PDE3A: variants seen among roughly 807,000 people sequenced by gnomAD.
PDE3A encodes the protein cGMP-inhibited 3',5'-cyclic phosphodiesterase 3A.
Under a neutral mutation model 98.3 loss-of-function variants are expected in PDE3A, and 43 were observed. That is an observed-to-expected ratio of 0.44 (90% CI 0.34 to 0.56). The LOEUF (loss-of-function observed/expected upper bound fraction) is 0.56, where lower values mean the gene tolerates loss of function less well. Ranked by LOEUF, PDE3A falls within the 20% of genes least tolerant of loss-of-function variation. The pLI is 0.01. For missense variants in PDE3A, 1,427 were observed against 1,440.7 expected, an observed-to-expected ratio of 0.99 and a Z score of 0.15; for synonymous variants, 663 against 567.9, an observed-to-expected ratio of 1.17 and a Z score of -2.38.
At chr12:20,610,560 T>C (rs2121442270) in intron 2 of PDE3A, among the ~76,000 whole-genome samples, 1 of 152,094 alleles carries the variant, frequency 6.6e-6, no homozygotes, top group South Asian at 2.1e-4. Flanking sequence ...TAAAGATATC[T>C]GCACTCTCAT....
chr12:20,635,249 A>G (rs528506307), intron 8 of PDE3A, among the ~76,000 whole-genome samples, 193 bp downstream of exon 8: 1 of 152,072 alleles, frequency 6.6e-6, no homozygotes, highest in African/African-American at 2.4e-5. Flanking sequence ...TGAAACCCCT[A>G]TCTGTAATAA....
At chr12:20,371,011 A>C (rs1181640598) in intron 1 of PDE3A, among the ~76,000 whole-genome samples, 1 of 152,250 alleles carries the variant, frequency 6.6e-6, no homozygotes, top group Non-Finnish European at 1.5e-5. Flanking sequence ...GTGCATACTT[A>C]AGTGGATATT....
rs67508401 is a variant in PDE3A, at chr12:20,461,236, G to GAAAAAA, written c.960+91007_960+91012dup. On this transcript the variant is annotated intron_variant, in intron 1 of 15. Transcript: ENST00000359062. Reference sequence around the variant, plus strand: ...GGCCTCAGGCTAGGAGTGTTTGTCAGAAAAAAAAAAAAAAAAAAAAGAGGA... The same window carrying GAAAAAA: ...GGCCTCAGGCTAGGAGTGTTTGTCAGAAAAAAAAAAAAAAAAAAAAAAAAAAGAGGA... Among the ~76,000 whole-genome samples, 39 of 98,408 alleles carry GAAAAAA rather than the reference G, an allele frequency of 4.0e-4. 1 individual carries two copies. Among genetic ancestry groups the GAAAAAA allele is most frequent in the Middle Eastern group, 5.7e-3 (1 of 174 alleles). 64.6% of individuals were successfully genotyped at this position (98,408 alleles called of 152,430 possible).
intron 1 of PDE3A, among the ~76,000 whole-genome samples, chr12:20,543,573 A>G (rs1271914583): frequency 1.3e-5 from 2 of 152,014 alleles, no homozygotes; most frequent in Non-Finnish European, 2.9e-5. Context: ...AGTAGACTTC[A>G]TGGTCATGCA....
chr12:20,621,390 G>C lies in PDE3A; in HGVS notation c.1519G>C (p.Ala507Pro), dbSNP rs778424892. ...TATTTCTGCAGCTAACCATGTAAAG[G>C]CTAAAAAGCAAAGTCGACCAGGTAA... is the stretch of plus-strand genomic sequence containing the variant. ...YAISAANHVK[A>P]KKQSRPGALA... Residue 507 changes from alanine to proline, a missense_variant, in exon 5 of 16, where the codon GCT (alanine) becomes CCT (proline). By Grantham distance (27) the Ala-to-Pro change is conservative (BLOSUM62 -1). Around this residue, in one of 3 missense-constraint regions of PDE3A, gnomAD observed 1,012 missense variants for 886.5 expected, o/e 1.14. Transcript: ENST00000359062. 1.9e-6 allele frequency: 3 copies of C among 1,607,820 alleles called. No homozygotes were observed. Among genetic ancestry groups the C allele is most frequent in the Non-Finnish European group, 2.6e-6 (3 of 1,174,564 alleles).
chr12:20,508,010 C>T (rs917015170), intron 1 of PDE3A, among the ~76,000 whole-genome samples: 2 of 152,110 alleles, frequency 1.3e-5, no homozygotes, highest in African/African-American at 4.8e-5. Context: ...CTTACAGTTG[C>T]CTACATGGCC....
At chr12:20,634,497 C>T (rs971356397) in intron 7 of PDE3A, among the ~76,000 whole-genome samples, 11 of 152,176 alleles carry the variant, frequency 7.2e-5, no homozygotes, top group Admixed American at 6.5e-5. Context: ...CTCTGTGCTA[C>T]ACAGAGAACT....
intron 14 of PDE3A, among the ~76,000 whole-genome samples, chr12:20,651,173 A>G (rs1944906758): frequency 6.6e-6 from 1 of 152,212 alleles, no homozygotes; most frequent in Non-Finnish European, 1.5e-5. Context: ...TTCATTTGAC[A>G]TGATAACTAA....
At chr12:20,513,729 A>C (rs1381939018) in intron 1 of PDE3A, among the ~76,000 whole-genome samples, 1 of 152,170 alleles carries the variant, frequency 6.6e-6, no homozygotes, top group Non-Finnish European at 1.5e-5. Flanking sequence ...GGACCACACA[A>C]GCAGTTTTGA....
intron 1 of PDE3A, among the ~76,000 whole-genome samples, chr12:20,496,335 G>A (rs1461705995): frequency 6.6e-6 from 1 of 152,160 alleles, no homozygotes; most frequent in African/African-American, 2.4e-5. Context: ...AAGTGGACAA[G>A]CCCCCTTACA....
intron 1 of PDE3A, among the ~76,000 whole-genome samples, chr12:20,393,903 C>T (rs1266592462): frequency 2.6e-5 from 4 of 151,930 alleles, no homozygotes; most frequent in Non-Finnish European, 5.9e-5. Context: ...AGGGCACCTC[C>T]CAACCTCCTG....
intron 1 of PDE3A, among the ~76,000 whole-genome samples, chr12:20,549,559 A>G (rs747163763): frequency 3.9e-5 from 6 of 152,134 alleles, no homozygotes; most frequent in Non-Finnish European, 8.8e-5. Flanking sequence ...TATTGACTGT[A>G]GAACATTACA....
chr12:20,669,574 C>G (rs959240138), intron 15 of PDE3A, among the ~76,000 whole-genome samples: 21 of 151,934 alleles, frequency 1.4e-4, no homozygotes, highest in Admixed American at 1.3e-4. Flanking sequence ...AATTTCCAAC[C>G]CAGAATTTCA....
chr12:20,529,843 G>A (rs1391932967), intron 1 of PDE3A, among the ~76,000 whole-genome samples: 1 of 152,176 alleles, frequency 6.6e-6, no homozygotes. Flanking sequence ...GATATTAGTA[G>A]TCATGGTCTC....
At chr12:20,592,861 A>G (rs1437444376) in intron 2 of PDE3A, among the ~76,000 whole-genome samples, 1 of 152,182 alleles carries the variant, frequency 6.6e-6, no homozygotes, top group Non-Finnish European at 1.5e-5. Flanking sequence ...GAATAATGAG[A>G]TTCTCTAAAC....
chr12:20,664,566 C>A (rs1327178005), intron 15 of PDE3A, among the ~76,000 whole-genome samples: 1 of 152,148 alleles, frequency 6.6e-6, no homozygotes, highest in African/African-American at 2.4e-5. Flanking sequence ...GTGGAAAGGA[C>A]CCAATGGGAG....
intron 1 of PDE3A, among the ~76,000 whole-genome samples, chr12:20,406,724 G>C (rs540957801): frequency 6.6e-6 from 1 of 151,884 alleles, no homozygotes; most frequent in Non-Finnish European, 1.5e-5. Context: ...GAGTCCTACT[G>C]GTTTACTTTT....
In PDE3A at chr12:20,683,113, G is replaced by T. The variant is rs1945839537; in HGVS notation, c.*2842G>T. ...ATACATTTTTCTTTAAAAATAAATTGCTATTACAGCTAGACGTCAATTGGG... is the reference window on the plus strand; with the variant it reads ...ATACATTTTTCTTTAAAAATAAATTTCTATTACAGCTAGACGTCAATTGGG... On this transcript the variant is annotated 3_prime_UTR_variant, in exon 16 of 16. Transcript: ENST00000359062. The T allele has an allele frequency of 6.6e-6, 1 of 152,168 alleles. No homozygotes were observed. Among genetic ancestry groups the T allele is most frequent in the Admixed American group, 6.6e-5 (1 of 15,262 alleles). The allele number at this position is 152,168 out of a possible 1,614,324, so 9.4% of individuals were successfully genotyped here. A position where few individuals can be genotyped will look rare whatever the true frequency, so the allele number is the denominator to read the frequency against.
At chr12:20,476,685 C>G (rs1945536963) in intron 1 of PDE3A, among the ~76,000 whole-genome samples, 1 of 152,130 alleles carries the variant, frequency 6.6e-6, no homozygotes, top group African/African-American at 2.4e-5. Flanking sequence ...GAAGAATGGA[C>G]TATGAATCCC....
Sources: allele counts gnomAD v4.1 joint callset (sites outside exome capture counted in the v4.1 genomes callset), GRCh38; gene constraint gnomAD v4.1.1; regional missense constraint gnomAD v4.1.1; transcripts MANE v1.5; gene names NCBI Gene and HGNC (gene_info 2026-07-23, HGNC 2026-07-21).